PARP6: variants seen among roughly 807,000 people sequenced by gnomAD.
PARP6 encodes poly(ADP-ribose) polymerase family member 6.
A neutral mutation model predicts 92.0 loss-of-function variants in PARP6; 27 were observed. That is an observed-to-expected ratio of 0.29 (90% CI 0.22 to 0.40). PARP6 has a LOEUF of 0.40. Ranked by LOEUF, PARP6 falls within the 10% of genes least tolerant of loss-of-function variation. The pLI is 1.00. For synonymous variants in PARP6, 272 were observed against 281.2 expected (o/e 0.97, Z 0.33); for missense variants, 501 against 784.5 (o/e 0.64, Z 4.32).
intron 16 of PARP6, 83 bp from the exon 17 acceptor site, chr15:72,251,338 G>T: frequency 2.5e-6 from 2 of 795,070 alleles, no homozygotes; most frequent in Non-Finnish European, 4.0e-6. Flanking sequence ...GTCTTCCTCT[G>T]CCTTTGGGAG....
intron 12 of PARP6, 54 bp from the exon 13 acceptor site, chr15:72,257,494 A>G: frequency 7.2e-7 from 1 of 1,398,208 alleles, no homozygotes; most frequent in South Asian, 1.2e-5. Context: ...AATAAGGTGT[A>G]GGCAGAGAGG....
rs750426616 is a variant in PARP6 at position 72,259,567 on chromosome 15, A to C, written c.810+41T>G. On this transcript the variant is annotated intron_variant, in intron 11 of 23. Coordinates refer to ENST00000569795, the MANE Select transcript of PARP6 (RefSeq NM_001323532.2). ...TGTTAGGAGACCAAATGGGTCAGAC[A>C]ACAGGGAAGGGCTTCGGAGTGACAA... is the stretch of plus-strand genomic sequence containing the variant. The C allele has an allele frequency of 4.4e-6, 7 of 1,589,816 alleles. No homozygotes were observed. The South Asian group carries it at 7.7e-5, about 18-fold the overall frequency.
In PARP6 at chr15:72,245,138, G is replaced by C. The variant is rs368254613; in HGVS notation, c.1562-2439C>G. 2.0e-5 allele frequency: 3 copies of C among 152,140 alleles called. No homozygotes were observed. In the South Asian group the frequency reaches 6.2e-4, roughly 32 times the overall value. The allele number at this position is 152,140 out of a possible 1,614,324, so 9.4% of individuals were successfully genotyped here. On this transcript the variant is annotated intron_variant, in intron 20 of 23. Coordinates refer to ENST00000569795, the MANE Select transcript of PARP6 (RefSeq NM_001323532.2). ...AGCACTTTGGGAGGCCAAGGCAGGC[G>C]GATCACGAGGTCAGGAGATCGAGAC...
In PARP6 at chr15:72,260,543, G is replaced by T. The variant is rs199897358; in HGVS notation, c.691C>A (p.Pro231Thr). 1.9e-5 allele frequency: 31 copies of T among 1,614,226 alleles called. No homozygotes were observed. The Admixed American group carries it at 2.0e-4, about 10-fold the overall frequency. The change falls in exon 10 of 24, where the codon CCC becomes ACC. Residue 231 changes from proline to threonine, a missense_variant. Transcript: ENST00000569795. ...KVEVFGYPPS[P>T]QAGLLCPQHV... ...TGAGGGCACAGGAGACCTGCCTGGG[G>T]GCTGGGAGGGTAGCCAAACACTTCC...
chr15:72,243,075 A>G (rs2083240748), intron 20 of PARP6: 1 of 208,756 alleles, frequency 4.8e-6, no homozygotes, highest in Non-Finnish European at 9.6e-6. Flanking sequence ...TGAAGGAAAG[A>G]TAAGGTAGTG....
Position 72,250,859 on chromosome 15 carries a change from G to T in PARP6, c.1404C>A (p.Ser468Arg). 1 of 1,605,662 alleles carries T rather than the reference G, an allele frequency of 6.2e-7. No individual in the cohort carries two copies. The highest frequency in any genetic ancestry group is 8.5e-7 in the Non-Finnish European group (1 of 1,173,400). ...RFRTAKKLYG[S>R]TFAFHGSHIE... ...AGCCTCCTCACTGGAAGGCAAAGGTGCTGCCATAGAGCTTCTTGGCGGTCC... is the reference window on the plus strand; with the variant it reads ...AGCCTCCTCACTGGAAGGCAAAGGTTCTGCCATAGAGCTTCTTGGCGGTCC... Residue 468 changes from serine to arginine, a missense_variant, in exon 18 of 24, where the codon AGC (serine) becomes AGA (arginine). Coordinates refer to ENST00000569795, the MANE Select transcript of PARP6 (RefSeq NM_001323532.2).
At chr15:72,259,486 C>G in intron 11 of PARP6, 122 bp downstream of exon 11, 1 of 754,894 alleles carries the variant, frequency 1.3e-6, no homozygotes. Context: ...TTTCCTTCTA[C>G]CATTAGTTCT....
chr15:72,261,043 G>A (rs1047579755), intron 9 of PARP6, among the ~76,000 whole-genome samples: 10 of 152,132 alleles, frequency 6.6e-5, no homozygotes, highest in South Asian at 2.1e-4. Flanking sequence ...TAAACACTGC[G>A]CTAGGCAAGA....
Position 72,242,967 on chromosome 15 carries a change from T to A in PARP6, c.1562-268A>T. The A allele has an allele frequency of 2.3e-6, 1 of 438,408 alleles. No individual in the cohort carries two copies. Among genetic ancestry groups the A allele is most frequent in the Non-Finnish European group, 4.0e-6 (1 of 247,918 alleles). The allele number at this position is 438,408 out of a possible 1,614,324, so 27.2% of individuals were successfully genotyped here. A position where few individuals can be genotyped will look rare whatever the true frequency, so the allele number is the denominator to read the frequency against. On this transcript the variant is annotated intron_variant, in intron 20 of 23. Transcript: ENST00000569795. The surrounding 1 kb of genome is among the most constrained non-coding windows in gnomAD (Gnocchi z 4.3). The stretch of plus-strand genomic sequence containing the variant: ...CTAGCCTAAGAGTTTAAAGAAGTCA[T>A]GTGGTGACAGCTAGACTGAGAACTG...
intron 8 of PARP6, 65 bp downstream of exon 8, chr15:72,264,490 C>T: frequency 8.4e-7 from 1 of 1,193,640 alleles, no homozygotes; most frequent in Non-Finnish European, 1.2e-6. Context: ...CCTGTCCATC[C>T]ATATATTTCC....
intron 2 of PARP6, among the ~76,000 whole-genome samples, chr15:72,268,938 TA>T (rs2086977562): frequency 6.6e-6 from 1 of 152,146 alleles, no homozygotes; most frequent in Non-Finnish European, 1.5e-5. Flanking sequence ...TTAGCTCCAT[TA>T]AAACCTCCAC....
At chr15:72,247,373 A>C (rs2083752281) in intron 20 of PARP6, among the ~76,000 whole-genome samples, 1 of 151,738 alleles carries the variant, frequency 6.6e-6, no homozygotes, top group Admixed American at 6.6e-5. Flanking sequence ...GGGTATTGCC[A>C]TGTTGCCCAG....
chr15:72,257,528 C>CTA, intron 12 of PARP6, 88 bp from the exon 13 acceptor site: 1 of 1,023,672 alleles, frequency 9.8e-7, no homozygotes, highest in Non-Finnish European at 1.5e-6. Context: ...TCAGACAACT[C>CTA]TAAAACAGGG....
At chr15:72,267,170 T>G (rs2086708865) in intron 3 of PARP6, 2 of 531,926 alleles carry the variant, frequency 3.8e-6, no homozygotes, top group Non-Finnish European at 6.7e-6. Flanking sequence ...TGGGTTCCAG[T>G]ACAAGCTGGC....
intron 2 of PARP6, among the ~76,000 whole-genome samples, chr15:72,268,590 C>G (rs1345793238): frequency 6.6e-6 from 1 of 152,196 alleles, no homozygotes; most frequent in African/African-American, 2.4e-5. Context: ...CCCAGCTACT[C>G]AGGAGGCTGA....
chr15:72,245,989 A>G (rs953004362), intron 20 of PARP6, among the ~76,000 whole-genome samples: 1 of 152,334 alleles, frequency 6.6e-6, no homozygotes, highest in Non-Finnish European at 1.5e-5. Context: ...GACAAAGATA[A>G]AAAGTGAAGA....
rs772160901 is a variant in PARP6 at position 72,265,415 on chromosome 15, C to T, written c.235G>A (p.Asp79Asn). The stretch of plus-strand genomic sequence containing the variant: ...TGGCAGGTACTAGCCCCACTTACAT[C>T]GAGGAAGCTGATGTTGATGTGGAGG... ...IDLHINISFL[D>N]EEVSTAWKVL... The change falls in exon 6 of 24, where the codon GAT becomes AAT. Residue 79 changes from aspartate to asparagine, a missense_variant and splice_region_variant. Coordinates refer to ENST00000569795, the MANE Select transcript of PARP6 (RefSeq NM_001323532.2). 30 of 1,612,954 alleles carry T rather than the reference C, an allele frequency of 1.9e-5. No homozygotes were observed. Among genetic ancestry groups the T allele is most frequent in the South Asian group, 4.4e-5 (4 of 91,078 alleles).
intron 10 of PARP6, among the ~76,000 whole-genome samples, chr15:72,260,235 T>C (rs1484768904): frequency 6.6e-6 from 1 of 152,190 alleles, no homozygotes; most frequent in African/African-American, 2.4e-5. Flanking sequence ...AGGAGGATCA[T>C]GAGCCTGGGA....
chr15:72,261,761 A>C, intron 8 of PARP6, 54 bp from the exon 9 acceptor site: 1 of 1,537,692 alleles, frequency 6.5e-7, no homozygotes, highest in Non-Finnish European at 9.0e-7. Context: ...TCAAGAAATA[A>C]GGACTAAAGA....
Sources: gnomAD v4.1 joint callset for allele counts (sites outside exome capture counted in the v4.1 genomes callset) on GRCh38, gnomAD v4.1.1 for gene constraint, Gnocchi (gnomAD v3.1) non-coding constraint, MANE v1.5 for transcripts, NCBI Gene and HGNC (gene_info 2026-07-23, HGNC 2026-07-21) for gene names.